GRID2: variants seen among roughly 807,000 people sequenced by gnomAD.
GRID2 encodes the protein glutamate ionotropic receptor delta type subunit 2.
GRID2 carries 33 observed loss-of-function variants against 114.8 expected under a neutral mutation model. The ratio of observed to expected loss-of-function variants is 0.29; its 90% CI spans 0.22 to 0.38. The LOEUF (loss-of-function observed/expected upper bound fraction) is 0.38. GRID2 is among the 10% of genes least tolerant of loss of function. The pLI is 1.00. For missense variants in GRID2, 1,184 were observed against 1,257.7 expected, an observed-to-expected ratio of 0.94 and a Z score of 0.89; for synonymous variants, 505 against 449.9, an observed-to-expected ratio of 1.12 and a Z score of -1.55.
At chr4:92,574,900 T>C (rs1727810070) in intron 1 of GRID2, among the ~76,000 whole-genome samples, 1 of 152,190 alleles carries the variant, frequency 6.6e-6, no homozygotes, top group Non-Finnish European at 1.5e-5. Flanking sequence ...CTCCTGATAA[T>C]ATCTAGAAGT....
intron 1 of GRID2, among the ~76,000 whole-genome samples, chr4:92,445,984 G>C (rs1733443095): frequency 6.6e-6 from 1 of 152,092 alleles, no homozygotes; most frequent in Non-Finnish European, 1.5e-5. Context: ...TCCCTCTGTA[G>C]CCCAGGCTGG....
At chr4:93,583,939 A>G (rs1023551779) in intron 13 of GRID2, among the ~76,000 whole-genome samples, 15 of 152,188 alleles carry the variant, frequency 9.9e-5, no homozygotes, top group African/African-American at 3.6e-4. Flanking sequence ...TGAACAAGAC[A>G]TCACTAAACA....
intron 2 of GRID2, among the ~76,000 whole-genome samples, chr4:92,852,785 C>T (rs1437886416): frequency 2.6e-5 from 4 of 151,866 alleles, no homozygotes; most frequent in African/African-American, 4.8e-5. Flanking sequence ...CACTATTTCA[C>T]ACCTCTTTAC....
rs550003771 is a variant in GRID2 at position 93,002,449 on chromosome 4, A to T, written c.245-82546A>T. Among the ~76,000 whole-genome samples the T allele has an allele frequency of 1.5e-4, 22 of 151,628 alleles. No individual in the cohort carries two copies. The South Asian group carries it at 4.6e-3, about 32-fold the overall frequency. On this transcript the variant is annotated intron_variant, in intron 2 of 15. Coordinates refer to ENST00000282020, the MANE Select transcript of GRID2 (RefSeq NM_001510.4). ...ATGGGCCGATGACTTCATTCTGGTC[A>T]TGTTTTCCATCTTTGTTTTAAGTAT...
intron 2 of GRID2, among the ~76,000 whole-genome samples, chr4:92,958,042 C>G (rs968910726): frequency 2.6e-5 from 4 of 151,994 alleles, no homozygotes; most frequent in African/African-American, 9.7e-5. Flanking sequence ...GTTTCAGGAA[C>G]TTTTGTTGTT....
chr4:92,421,082 C>T (rs1731886567), intron 1 of GRID2, among the ~76,000 whole-genome samples: 1 of 151,958 alleles, frequency 6.6e-6, no homozygotes. Flanking sequence ...TCAGTTCCAT[C>T]ATTTACTTTT....
intron 2 of GRID2, among the ~76,000 whole-genome samples, chr4:92,716,884 G>A (rs1171332011): frequency 3.3e-5 from 5 of 152,054 alleles, no homozygotes; most frequent in African/African-American, 4.8e-5. Flanking sequence ...TTTGATTTTC[G>A]ATTCTGACCT....
intron 13 of GRID2, among the ~76,000 whole-genome samples, chr4:93,584,079 T>TA: frequency 6.6e-6 from 1 of 152,232 alleles, no homozygotes; most frequent in East Asian, 1.9e-4. Flanking sequence ...ACAAATGAAA[T>TA]AAAAACAGTT....
At chr4:92,357,040 T>G (rs1361013673) in intron 1 of GRID2, among the ~76,000 whole-genome samples, 11 of 151,800 alleles carry the variant, frequency 7.2e-5, no homozygotes, top group Non-Finnish European at 2.9e-5. Context: ...AGTGTGAATC[T>G]GTCTATATTA....
At chr4:93,802,847 T>C (rs976478106) in intron 1 of GRID2, among the ~76,000 whole-genome samples, 3 of 152,258 alleles carry the variant, frequency 2.0e-5, no homozygotes, top group South Asian at 2.1e-4. Context: ...TCTAAATCTA[T>C]GCTAATTCCA....
chr4:93,517,495 A>C (rs921186590), intron 13 of GRID2, among the ~76,000 whole-genome samples: 1 of 152,080 alleles, frequency 6.6e-6, no homozygotes, highest in East Asian at 1.9e-4. Flanking sequence ...AAAATATCTA[A>C]GTGAAATTTG....
intron 4 of GRID2, among the ~76,000 whole-genome samples, chr4:93,149,790 G>A (rs1478561496): frequency 6.6e-6 from 1 of 151,340 alleles, no homozygotes; most frequent in East Asian, 2.0e-4. Context: ...CATGCAACAC[G>A]ACCTGGCTAA....
intron 2 of GRID2, among the ~76,000 whole-genome samples, chr4:92,865,920 A>G (rs139337797): frequency 6.6e-6 from 1 of 152,238 alleles, no homozygotes; most frequent in Non-Finnish European, 1.5e-5. Context: ...TATACTAGTG[A>G]TGAATTATTT....
intron 2 of GRID2, among the ~76,000 whole-genome samples, chr4:92,627,410 G>T (rs1730576362): frequency 6.6e-6 from 1 of 151,914 alleles, no homozygotes; most frequent in Non-Finnish European, 1.5e-5. Context: ...TAAAATGTAG[G>T]TGTATATGTT....
intron 9 of GRID2, among the ~76,000 whole-genome samples, chr4:93,415,628 ACTTATG>A (rs1767626907): frequency 1.3e-5 from 2 of 152,022 alleles, no homozygotes; most frequent in South Asian, 4.1e-4. Context: ...ACTTACAGCA[ACTTATG>A]CTTCTTTCAA....
At chr4:92,432,786 C>G (rs1732527435) in intron 1 of GRID2, among the ~76,000 whole-genome samples, 1 of 152,102 alleles carries the variant, frequency 6.6e-6, no homozygotes, top group Non-Finnish European at 1.5e-5. Flanking sequence ...CCCCTTTACT[C>G]TTCCCTCTTC....
intron 2 of GRID2, among the ~76,000 whole-genome samples, chr4:92,694,215 C>T (rs1026342821): frequency 1.3e-5 from 2 of 152,114 alleles, no homozygotes; most frequent in East Asian, 3.9e-4. Context: ...GGTTGGAATC[C>T]TTGTGCTTGT....
chr4:92,454,141 T>C (rs2149081507), intron 1 of GRID2, among the ~76,000 whole-genome samples: 1 of 152,316 alleles, frequency 6.6e-6, no homozygotes, highest in South Asian at 2.1e-4. Flanking sequence ...TTCTCTGCTA[T>C]TACTTACAAA....
rs796731704 is a variant in GRID2, at chr4:93,700,179, G to A, written c.2361-69031G>A. On this transcript the variant is annotated intron_variant, in intron 14 of 15. Coordinates refer to ENST00000282020, the MANE Select transcript of GRID2 (RefSeq NM_001510.4). ...GATACTTTCAAATCTCCTGCTAAGT[G>A]GATTGACATTACAAATGACTCTAAT... is the stretch of plus-strand genomic sequence containing the variant. Among the ~76,000 whole-genome samples, 3 of 152,194 alleles carry A rather than the reference G, an allele frequency of 2.0e-5. No individual in the cohort carries two copies. The South Asian group carries it at 6.2e-4, about 32-fold the overall frequency.
Sources: gnomAD v4.1 joint callset for allele counts (sites outside exome capture counted in the v4.1 genomes callset) on GRCh38, gnomAD v4.1.1 for gene constraint, MANE v1.5 for transcripts, NCBI Gene and HGNC (gene_info 2026-07-23, HGNC 2026-07-21) for gene names.